Variants in CAPZA1 observed in about 807,000 individuals in gnomAD.
CAPZA1 encodes the protein capping actin protein of muscle Z-line subunit alpha 1, also known as F-actin-capping protein subunit alpha-1.
Under a neutral mutation model 40.8 loss-of-function variants are expected in CAPZA1, and 10 were observed. The observed-to-expected ratio is 0.25, with a 90% confidence interval of 0.15 to 0.42. CAPZA1 has a LOEUF of 0.42. Ranked by LOEUF, CAPZA1 falls within the 10% of genes least tolerant of loss-of-function variation. The probability of loss-of-function intolerance (pLI) is 1.00; values close to 1 mark genes in which losing one functional copy is unlikely to be tolerated. For synonymous variants in CAPZA1, 98 were observed against 115.0 expected, an observed-to-expected ratio of 0.85 and a Z score of 0.95; for missense variants, 277 against 353.8, an observed-to-expected ratio of 0.78 and a Z score of 1.74.
intron 1 of CAPZA1, among the ~76,000 whole-genome samples, chr1:112,631,520 A>T (rs1352850938): frequency 3.3e-5 from 5 of 152,202 alleles, no homozygotes; most frequent in Admixed American, 6.5e-5. Context: ...GAAAAAAAAA[A>T]TTGGTAAAAA....
At chr1:112,634,072 AGAAGCT>A (rs1670972739) in intron 1 of CAPZA1, among the ~76,000 whole-genome samples, 1 of 152,162 alleles carries the variant, frequency 6.6e-6, no homozygotes, top group Admixed American at 6.5e-5. Flanking sequence ...TTTGCCATAC[AGAAGCT>A]TTTTAGTTTG....
At chr1:112,649,329 A>G in intron 2 of CAPZA1, 89 bp from the exon 3 acceptor site, 1 of 924,524 alleles carries the variant, frequency 1.1e-6, no homozygotes. Context: ...AATTTTACAA[A>G]GCCTGACATT....
At chr1:112,649,600 T>A (rs1671346239) in intron 3 of CAPZA1, 131 bp downstream of exon 3, 1 of 741,152 alleles carries the variant, frequency 1.3e-6, no homozygotes, top group East Asian at 2.7e-5. Context: ...GCAATTTTCG[T>A]TGTTTTTTTT....
At chr1:112,638,471 C>A (rs145269887) in intron 1 of CAPZA1, among the ~76,000 whole-genome samples, 1 of 152,058 alleles carries the variant, frequency 6.6e-6, no homozygotes, top group African/African-American at 2.4e-5. Flanking sequence ...CCCACCACTA[C>A]GCCCGGCTAG....
chr1:112,643,695 A>T (rs1192214159), intron 1 of CAPZA1, among the ~76,000 whole-genome samples: 1 of 152,202 alleles, frequency 6.6e-6, no homozygotes, highest in African/African-American at 2.4e-5. Flanking sequence ...CAAATTTTCC[A>T]TTCTACCTTG....
At chr1:112,659,584 CTCT>C (rs913643968) in intron 6 of CAPZA1, 114 bp from the exon 7 acceptor site, 13 of 373,316 alleles carry the variant, frequency 3.5e-5, no homozygotes, top group Middle Eastern at 6.7e-4. Flanking sequence ...TTCTCTCTCT[CTCT>C]TTTTTTTTTT....
chr1:112,640,530 GCCCGGCCGC>G (rs1671131011), intron 1 of CAPZA1, among the ~76,000 whole-genome samples: 1 of 139,244 alleles, frequency 7.2e-6, no homozygotes, highest in Non-Finnish European at 1.5e-5. Flanking sequence ...GGGCGCCTCT[GCCCGGCCGC>G]CCCTCCTGGG....
intron 2 of CAPZA1, among the ~76,000 whole-genome samples, chr1:112,649,106 G>T (rs181336192): frequency 2.9e-3 from 435 of 152,258 alleles, no homozygotes; most frequent in African/African-American, 0.01. Context: ...TTGTAGAAAC[G>T]CCTGCAATTC....
At chr1:112,640,428 G>T (rs1370842296) in intron 1 of CAPZA1, among the ~76,000 whole-genome samples, 2 of 126,042 alleles carry the variant, frequency 1.6e-5, no homozygotes, top group Non-Finnish European at 3.4e-5. Context: ...CTGCCCGGCC[G>T]CCCCTACTGG....
intron 7 of CAPZA1, among the ~76,000 whole-genome samples, chr1:112,660,889 G>A (rs1193071663): frequency 4.1e-5 from 5 of 120,512 alleles, no homozygotes; most frequent in South Asian, 2.8e-4. Context: ...GAGGAGTCTC[G>A]CTCTGTCGCC....
rs1557736701 is a variant in CAPZA1, at chr1:112,659,581, TC to T, written c.507-119del. 3,804 of 690,368 alleles carry T rather than the reference TC, an allele frequency of 5.5e-3. 2 individuals carry two copies. Among genetic ancestry groups the T allele is most frequent in the East Asian group, 0.019 (619 of 33,310 alleles). The allele number at this position is 690,368 out of a possible 1,614,324, so 42.8% of individuals were successfully genotyped here. A position where few individuals can be genotyped will look rare whatever the true frequency, so the allele number is the denominator to read the frequency against. On this transcript the variant is annotated intron_variant, in intron 6 of 9. Coordinates refer to ENST00000263168, the MANE Select transcript of CAPZA1 (RefSeq NM_006135.3). Reference sequence around the variant, plus strand: ...CAAACTGGAAATGACAGTTTCTCTCTCTCTCTTTTTTTTTTTCTTTTTTTGC... The same window carrying T: ...CAAACTGGAAATGACAGTTTCTCTCTTCTCTTTTTTTTTTTCTTTTTTTGC...
chr1:112,639,345 C>T (rs938732438), intron 1 of CAPZA1, among the ~76,000 whole-genome samples: 5 of 152,158 alleles, frequency 3.3e-5, no homozygotes, highest in Admixed American at 6.5e-5. Flanking sequence ...TTGATATTCA[C>T]AGATGAACAG....
At chr1:112,636,501 G>A (rs937990983) in intron 1 of CAPZA1, among the ~76,000 whole-genome samples, 1 of 152,150 alleles carries the variant, frequency 6.6e-6, no homozygotes, top group Non-Finnish European at 1.5e-5. Context: ...TTATGTAAAA[G>A]CCTCGGATAG....
At chr1:112,629,029 G>T (rs751427038) in intron 1 of CAPZA1, among the ~76,000 whole-genome samples, 5 of 152,200 alleles carry the variant, frequency 3.3e-5, no homozygotes, top group Admixed American at 6.5e-5. Flanking sequence ...CCTCGATGAA[G>T]CATCCAGAGT....
intron 2 of CAPZA1, among the ~76,000 whole-genome samples, chr1:112,648,347 CTTTTTTTTT>C (rs35670246): frequency 1.0e-5 from 1 of 99,388 alleles, no homozygotes; most frequent in African/African-American, 3.7e-5. Context: ...TTGAATTTTT[CTTTTTTTTT>C]TTTTTTTTTT....
chr1:112,620,004 T>C lies in CAPZA1; in HGVS notation c.39+121T>C, dbSNP rs1440241893. On this transcript the variant is annotated intron_variant, in intron 1 of 9. Coordinates refer to ENST00000263168, the MANE Select transcript of CAPZA1 (RefSeq NM_006135.3). The stretch of plus-strand genomic sequence containing the variant: ...AGAAGCTTCTTGGTCCATGCTGACA[T>C]ACGCTCTCCGCAGTCGGGACGCTTC... 1.1e-5 allele frequency: 8 copies of C among 759,176 alleles called. No individual in the cohort carries two copies. In the South Asian group the frequency reaches 1.2e-4, roughly 11 times the overall value. The allele number at this position is 759,176 out of a possible 1,614,324, so 47.0% of individuals were successfully genotyped here.
At chr1:112,642,401 G>C (rs1276068269) in intron 1 of CAPZA1, among the ~76,000 whole-genome samples, 1 of 151,582 alleles carries the variant, frequency 6.6e-6, no homozygotes, top group Non-Finnish European at 1.5e-5. Flanking sequence ...TTTTTTAGTA[G>C]AGATGGGGTT....
chr1:112,665,614 A>C (rs939061337), intron 7 of CAPZA1, among the ~76,000 whole-genome samples: 1 of 152,168 alleles, frequency 6.6e-6, no homozygotes, highest in Non-Finnish European at 1.5e-5. Flanking sequence ...GTGACTGGTG[A>C]GTTCTGTTTC....
At chr1:112,629,115 A>C (rs1670871238) in intron 1 of CAPZA1, among the ~76,000 whole-genome samples, 1 of 152,136 alleles carries the variant, frequency 6.6e-6, no homozygotes, top group African/African-American at 2.4e-5. Flanking sequence ...TCTTTTTCTA[A>C]GTCCCTATGT....
Sources: gnomAD v4.1 joint callset for allele counts (sites outside exome capture counted in the v4.1 genomes callset) on GRCh38, gnomAD v4.1.1 for gene constraint, MANE v1.5 for transcripts, NCBI Gene and HGNC (gene_info 2026-07-23, HGNC 2026-07-21) for gene names.